The following PCDH15 variants were observed in gnomAD, a reference collection of about 807,000 sequenced individuals.
PCDH15 encodes protocadherin-15.
PCDH15 carries 129 observed loss-of-function variants against 178.5 expected under a neutral mutation model. The ratio of observed to expected loss-of-function variants is 0.72; its 90% CI spans 0.63 to 0.84. The LOEUF is 0.84. PCDH15 is among the 40% of genes least tolerant of loss of function. The pLI is 0.00. For synonymous variants in PCDH15, 800 were observed against 732.0 expected, an observed-to-expected ratio of 1.09 and a Z score of -1.50; for missense variants, 2,230 against 2,099.9, an observed-to-expected ratio of 1.06 and a Z score of -1.21.
intron 26 of PCDH15, among the ~76,000 whole-genome samples, chr10:53,884,023 G>GT (rs948085344): frequency 1.2e-4 from 10 of 85,516 alleles, no homozygotes; most frequent in Admixed American, 9.3e-4. Flanking sequence ...GCCTGTTTTT[G>GT]TAAAAAAACA....
intron 26 of PCDH15, among the ~76,000 whole-genome samples, chr10:53,889,315 A>T (rs1206381047): frequency 6.6e-6 from 1 of 152,084 alleles, no homozygotes; most frequent in East Asian, 1.9e-4. Flanking sequence ...TTGAATAAAG[A>T]TATGCAATCC....
chr10:54,462,507 C>CTTT (rs71461244), intron 3 of PCDH15, among the ~76,000 whole-genome samples: 9 of 98,806 alleles, frequency 9.1e-5, no homozygotes, highest in South Asian at 3.1e-4. Flanking sequence ...TTTTCTTTTT[C>CTTT]TTTTCTTTTT....
rs747310651 is a variant in PCDH15 at position 54,153,173 on chromosome 10, C to T, written c.1711G>A (p.Val571Met). ...TAAGTCCGCCCGACTATCATTTCCA[C>T]CCCTGGAGCGATGGTGATAAGCCCT... Reference protein sequence around the residue: ...TTGLITIAPGVEMIVGRTYAL... With the variant: ...TTGLITIAPGMEMIVGRTYAL... The change falls in exon 14 of 38, where the codon GTG (valine) becomes ATG (methionine). Residue 571 changes from valine to methionine, a missense_variant. Physicochemically the swap from Val to Met is conservative, Grantham distance 21. Transcript: ENST00000644397. 11 of 1,613,906 alleles carry T rather than the reference C, an allele frequency of 6.8e-6. No individual in the cohort carries two copies. The highest frequency in any genetic ancestry group is 9.3e-6 in the Non-Finnish European group (11 of 1,179,888).
In PCDH15 at chr10:55,223,690, C is replaced by T. The variant is rs189584953; in HGVS notation, c.-155-57039G>A. On this transcript the variant is annotated intron_variant, in intron 1 of 5. Coordinates refer to the PCDH15 transcript ENST00000458638. The stretch of plus-strand genomic sequence containing the variant: ...CACAAGCAAGTTATCAACAACCAGG[C>T]CTTGTCAATGAAAGATCACTATGAA... 9.2e-4 allele frequency among the ~76,000 whole-genome samples: 140 copies of T among 152,104 alleles called. 2 individuals are homozygous for T. Among genetic ancestry groups the T allele is most frequent in the Non-Finnish European group, 5.9e-4 (40 of 67,996 alleles).
intron 18 of PCDH15, among the ~76,000 whole-genome samples, chr10:54,054,348 G>A (rs1185111252): frequency 1.3e-5 from 2 of 152,074 alleles, no homozygotes; most frequent in East Asian, 3.9e-4. Flanking sequence ...ATAAGGGGAA[G>A]ACAGAATTAG....
intron 6 of PCDH15, among the ~76,000 whole-genome samples, chr10:54,332,623 C>T (rs550370430): frequency 5.3e-4 from 80 of 151,510 alleles, no homozygotes; most frequent in South Asian, 1.5e-3. Flanking sequence ...GATGTGATCT[C>T]ACATTATTTT....
At chr10:54,204,553 TAC>T (rs371189353) in intron 10 of PCDH15, among the ~76,000 whole-genome samples, 261 of 152,146 alleles carry the variant, frequency 1.7e-3, no homozygotes, top group African/African-American at 5.5e-3. Context: ...CATCAAGATA[TAC>T]ACTTTCCTGT....
intron 1 of PCDH15, among the ~76,000 whole-genome samples, chr10:54,746,269 G>T (rs1945448635): frequency 6.6e-6 from 1 of 152,192 alleles, no homozygotes; most frequent in East Asian, 1.9e-4. Flanking sequence ...ACTGTCAAAT[G>T]TCCTTTTGGG....
intron 9 of PCDH15, among the ~76,000 whole-genome samples, chr10:54,233,078 A>T (rs2054247188): frequency 6.6e-6 from 1 of 151,844 alleles, no homozygotes; most frequent in Non-Finnish European, 1.5e-5. Context: ...TGAGTAGCTG[A>T]GGCCACAGGT....
chr10:54,105,317 T>TATATATATACAC (rs1233590982), intron 15 of PCDH15, among the ~76,000 whole-genome samples: 16 of 91,580 alleles, frequency 1.7e-4, no homozygotes, highest in Non-Finnish European at 2.9e-4. Context: ...TATATATATA[T>TATATATATACAC]ACACACACAC....
Position 53,991,133 on chromosome 10 carries a change from A to C in PCDH15, c.2868+4516T>G, listed in dbSNP as rs372927209. ...CCCGCGCAGCCCGAGTCTCCCCAAC[A>C]GGGTGCTGCCCCCTGCTCCATGGCG... On this transcript the variant is annotated intron_variant, in intron 21 of 37. Coordinates refer to ENST00000644397, the MANE Select transcript of PCDH15 (RefSeq NM_001384140.1). Among the ~76,000 whole-genome samples, 6 of 152,004 alleles carry C rather than the reference A, an allele frequency of 3.9e-5. No homozygotes were observed. The East Asian group carries it at 1.2e-3, about 30-fold the overall frequency.
intron 8 of PCDH15, among the ~76,000 whole-genome samples, chr10:54,253,844 C>T (rs2056694479): frequency 1.3e-5 from 2 of 151,890 alleles, no homozygotes; most frequent in African/African-American, 4.8e-5. Flanking sequence ...ATCTCAAATA[C>T]TGTATTTTTA....
chr10:53,938,721 A>C (rs1432639933), intron 25 of PCDH15, 94 bp downstream of exon 25: 2 of 1,322,084 alleles, frequency 1.5e-6, no homozygotes, highest in Non-Finnish European at 2.1e-6. Context: ...TATGTTGTCC[A>C]CTGAGAATGA....
chr10:55,477,166 AT>A (rs1218010786), intron 2 of PCDH15, among the ~76,000 whole-genome samples: 1 of 151,990 alleles, frequency 6.6e-6, no homozygotes, highest in Non-Finnish European at 1.5e-5. Flanking sequence ...ACATAAGAAT[AT>A]AATCATCATT....
intron 4 of PCDH15, among the ~76,000 whole-genome samples, chr10:54,375,234 C>T (rs1278753455): frequency 6.6e-6 from 1 of 152,016 alleles, no homozygotes; most frequent in East Asian, 1.9e-4. Flanking sequence ...TTAATGGCCA[C>T]TGCATCAAAA....
intron 2 of PCDH15, among the ~76,000 whole-genome samples, chr10:55,325,931 T>G (rs1433051677): frequency 6.6e-6 from 1 of 152,038 alleles, no homozygotes; most frequent in Admixed American, 6.5e-5. Context: ...GCCAAAGGCA[T>G]GAAGAGACAC....
At chr10:55,547,835 C>T (rs1395974186) in intron 2 of PCDH15, among the ~76,000 whole-genome samples, 1 of 149,364 alleles carries the variant, frequency 6.7e-6, no homozygotes, top group Non-Finnish European at 1.5e-5. Flanking sequence ...GGTCCTGCTA[C>T]CTTGATATCA....
At chr10:54,279,081 A>G (rs1055623886) in intron 8 of PCDH15, among the ~76,000 whole-genome samples, 1 of 151,614 alleles carries the variant, frequency 6.6e-6, no homozygotes, top group African/African-American at 2.4e-5. Context: ...ACTGCTAAGT[A>G]ATATTACTGG....
chr10:53,869,760 A>T (rs1470504874), intron 26 of PCDH15, among the ~76,000 whole-genome samples: 1 of 152,014 alleles, frequency 6.6e-6, no homozygotes, highest in Non-Finnish European at 1.5e-5. Flanking sequence ...TGCACAATAT[A>T]GTGAAACTCT....
Sources: gnomAD v4.1 joint callset for allele counts (sites outside exome capture counted in the v4.1 genomes callset) on GRCh38, gnomAD v4.1.1 for gene constraint, MANE v1.5 for transcripts, NCBI Gene and HGNC (gene_info 2026-07-23, HGNC 2026-07-21) for gene names.